TOX3: variants seen among roughly 807,000 people sequenced by gnomAD.
The protein encoded by TOX3 is CAG trinucleotide repeat-containing gene F9 protein.
A neutral mutation model predicts 64.3 loss-of-function variants in TOX3; 22 were observed. That is an observed-to-expected ratio of 0.34 (90% CI 0.24 to 0.49). The LOEUF is 0.49. Among genes scored for constraint, TOX3 ranks in the 20% least tolerant of loss-of-function variants. TOX3 has a pLI of 0.99. For synonymous variants in TOX3, 291 were observed against 273.6 expected, an observed-to-expected ratio of 1.06 and a Z score of -0.63; for missense variants, 661 against 714.4, an observed-to-expected ratio of 0.93 and a Z score of 0.85.
At chr16:52,486,121 G>A (rs982884786) in intron 1 of TOX3, among the ~76,000 whole-genome samples, 1 of 152,134 alleles carries the variant, frequency 6.6e-6, no homozygotes, top group Non-Finnish European at 1.5e-5. Context: ...CATGGGTGCT[G>A]GTGTTCAATG....
chr16:52,450,492 G>A lies in TOX3; in HGVS notation c.463C>T (p.Arg155Trp), dbSNP rs1173578011. 21 of 1,613,896 alleles carry A rather than the reference G, an allele frequency of 1.3e-5. No individual in the cohort carries two copies. In the East Asian group the frequency reaches 1.6e-4, roughly 12 times the overall value. Residue 155 changes from arginine to tryptophan, a missense_variant, in exon 4 of 7, where the codon CGG (arginine) becomes TGG (tryptophan). This residue lies in a region of TOX3 where 259 missense variants were observed against 261.2 expected (regional missense o/e 0.99). Transcript: ENST00000219746. ...GCATCGGTCATGTGGACGATGGACC[G>A]CATGATCAGGGAGGGATCCTGCCGG... ...QYRQDPSLIM[R>W]SIVHMTDAAR...
At chr16:52,492,504 T>TAA (rs1491006820) in intron 1 of TOX3, among the ~76,000 whole-genome samples, 1 of 126,858 alleles carries the variant, frequency 7.9e-6, no homozygotes, top group African/African-American at 3.0e-5. Context: ...GATATATATA[T>TAA]AATATTATAT....
At chr16:52,498,351 G>C (rs578084111) in intron 1 of TOX3, among the ~76,000 whole-genome samples, 1 of 152,114 alleles carries the variant, frequency 6.6e-6, no homozygotes, top group Non-Finnish European at 1.5e-5. Flanking sequence ...TGTTATATAA[G>C]AGCAATAAAT....
At chr16:52,514,546 G>C (rs558166619) in intron 1 of TOX3, among the ~76,000 whole-genome samples, 1 of 152,264 alleles carries the variant, frequency 6.6e-6, no homozygotes, top group East Asian at 1.9e-4. Flanking sequence ...AGAACATTTT[G>C]GCAAGTTCAA....
At chr16:52,485,146 TG>T (rs1961482620) in intron 1 of TOX3, among the ~76,000 whole-genome samples, 2 of 41,288 alleles carry the variant, frequency 4.8e-5, no homozygotes, top group South Asian at 2.0e-3. Context: ...TGTGTGTATA[TG>T]TGTGTGTATA....
At chr16:52,482,715 T>C (rs1961401210) in intron 1 of TOX3, among the ~76,000 whole-genome samples, 1 of 152,172 alleles carries the variant, frequency 6.6e-6, no homozygotes, top group South Asian at 2.1e-4. Context: ...GTTAGCACCT[T>C]ATTCACAGCA....
intron 2 of TOX3, among the ~76,000 whole-genome samples, chr16:52,468,191 T>C (rs943752418): frequency 6.6e-6 from 1 of 152,214 alleles, no homozygotes; most frequent in Admixed American, 6.5e-5. Flanking sequence ...TAACCACTTA[T>C]CTGCTTAGAT....
intron 1 of TOX3, among the ~76,000 whole-genome samples, chr16:52,539,301 C>T (rs1438289006): frequency 6.6e-6 from 1 of 152,086 alleles, no homozygotes; most frequent in Admixed American, 6.5e-5. Context: ...ACACACACTC[C>T]TTGTTTATGT....
intron 1 of TOX3, among the ~76,000 whole-genome samples, chr16:52,477,380 A>T (rs1236953149): frequency 2.6e-5 from 4 of 152,134 alleles, no homozygotes; most frequent in African/African-American, 9.7e-5. Context: ...AGAGAGAGAG[A>T]TGTAAAGCCC....
chr16:52,524,278 A>C (rs1406130986), intron 1 of TOX3, among the ~76,000 whole-genome samples: 5 of 152,218 alleles, frequency 3.3e-5, no homozygotes, highest in Non-Finnish European at 2.9e-5. Flanking sequence ...CACTGAATCC[A>C]ATAGGGCCTA....
At chr16:52,541,667 A>G (rs972742374) in intron 1 of TOX3, among the ~76,000 whole-genome samples, 9 of 152,244 alleles carry the variant, frequency 5.9e-5, no homozygotes, top group African/African-American at 2.2e-4. Flanking sequence ...TCCTTGAAAT[A>G]TCGACACATA....
intron 1 of TOX3, among the ~76,000 whole-genome samples, chr16:52,510,304 T>C (rs530669007): frequency 2.4e-4 from 36 of 152,144 alleles, no homozygotes; most frequent in Non-Finnish European, 4.3e-4. Flanking sequence ...ATTAGAGAAA[T>C]GAATCAAAGT....
At chr16:52,504,263 G>A (rs1313674060) in intron 1 of TOX3, among the ~76,000 whole-genome samples, 3 of 151,902 alleles carry the variant, frequency 2.0e-5, no homozygotes, top group Non-Finnish European at 2.9e-5. Flanking sequence ...TCAGGAGATC[G>A]AGACCATCCT....
chr16:52,487,159 T>C (rs746900577), intron 1 of TOX3, among the ~76,000 whole-genome samples: 1 of 152,004 alleles, frequency 6.6e-6, no homozygotes, highest in African/African-American at 2.4e-5. Context: ...TTGGGATTAG[T>C]GAGAAGGCCT....
chr16:52,475,848 C>T lies in TOX3; in HGVS notation c.88-7274G>A, dbSNP rs1282915336. Among the ~76,000 whole-genome samples, 4 of 152,182 alleles carry T rather than the reference C, an allele frequency of 2.6e-5. No individual in the cohort carries two copies. The East Asian group carries it at 7.7e-4, about 29-fold the overall frequency. ...AAATGCGCATTACCCGCTCCCCACT[C>T]TGGATTTACTGTAGCAGAATCTCTA... On this transcript the variant is annotated intron_variant, in intron 1 of 6. Transcript: ENST00000219746.
At chr16:52,533,571 T>C (rs1223570228) in intron 1 of TOX3, among the ~76,000 whole-genome samples, 1 of 152,178 alleles carries the variant, frequency 6.6e-6, no homozygotes, top group African/African-American at 2.4e-5. Context: ...TGAAAAACAC[T>C]GTTTACACCC....
intron 1 of TOX3, among the ~76,000 whole-genome samples, chr16:52,520,980 A>T (rs958496266): frequency 6.6e-6 from 1 of 152,220 alleles, no homozygotes; most frequent in Non-Finnish European, 1.5e-5. Flanking sequence ...TCCTTTCTAT[A>T]AATAGCACAT....
intron 1 of TOX3, among the ~76,000 whole-genome samples, chr16:52,502,052 G>A (rs1962019759): frequency 6.6e-6 from 1 of 152,176 alleles, no homozygotes; most frequent in African/African-American, 2.4e-5. Flanking sequence ...CGATTTCCCA[G>A]GTGGCTTAGT....
chr16:52,440,772 T>C (rs1287388833), intron 6 of TOX3, among the ~76,000 whole-genome samples: 5 of 135,308 alleles, frequency 3.7e-5, no homozygotes, highest in Non-Finnish European at 7.9e-5. Flanking sequence ...TTTTTTTTTT[T>C]TTTTTTGAGG....
Sources: allele counts gnomAD v4.1 joint callset (sites outside exome capture counted in the v4.1 genomes callset), GRCh38; gene constraint gnomAD v4.1.1; regional missense constraint gnomAD v4.1.1; transcripts MANE v1.5; gene names NCBI Gene and HGNC (gene_info 2026-07-23, HGNC 2026-07-21).